NR5A2: variants seen among roughly 807,000 people sequenced by gnomAD.
The protein encoded by NR5A2 is nuclear receptor subfamily 5 group A member 2.
Under a neutral mutation model 62.7 loss-of-function variants are expected in NR5A2, and 26 were observed. The ratio of observed to expected loss-of-function variants is 0.41; its 90% CI spans 0.30 to 0.58. The LOEUF is 0.58. Ranked by LOEUF, NR5A2 falls within the 20% of genes least tolerant of loss-of-function variation. The pLI is 0.22. For synonymous variants in NR5A2, 246 were observed against 241.7 expected (o/e 1.02, Z -0.16); for missense variants, 541 against 669.1 (o/e 0.81, Z 2.11).
At chr1:200,121,977 G>A (rs1240838716) in intron 7 of NR5A2, among the ~76,000 whole-genome samples, 1 of 152,166 alleles carries the variant, frequency 6.6e-6, no homozygotes, top group African/African-American at 2.4e-5. Flanking sequence ...TAAAGGGGTA[G>A]TTTGAAGTAA....
chr1:200,037,089 G>A (rs3790847), intron 1 of NR5A2, among the ~76,000 whole-genome samples: 1 of 151,982 alleles, frequency 6.6e-6, no homozygotes, highest in African/African-American at 2.4e-5. Context: ...GGGATGTGGT[G>A]GGAGGGTAGA....
intron 7 of NR5A2, among the ~76,000 whole-genome samples, chr1:200,136,219 C>A (rs1283074950): frequency 6.6e-6 from 1 of 151,582 alleles, no homozygotes; most frequent in East Asian, 1.9e-4. Flanking sequence ...TCACTTTTTT[C>A]TTTCTTTTTT....
At chr1:200,074,128 T>TA (rs983318921) in intron 5 of NR5A2, among the ~76,000 whole-genome samples, 2 of 152,086 alleles carry the variant, frequency 1.3e-5, no homozygotes, top group East Asian at 1.9e-4. Flanking sequence ...CTAAAAAGCA[T>TA]AAAAAACAAT....
chr1:200,075,779 G>A (rs1664001184), intron 5 of NR5A2, among the ~76,000 whole-genome samples: 1 of 152,156 alleles, frequency 6.6e-6, no homozygotes, highest in Admixed American at 6.5e-5. Context: ...AGGTGAGGAT[G>A]TTCTAGTCAA....
chr1:200,060,770 A>G (rs1663165220), intron 5 of NR5A2, among the ~76,000 whole-genome samples: 1 of 152,024 alleles, frequency 6.6e-6, no homozygotes. Flanking sequence ...TTCTTCACGT[A>G]TGTGTCCTGG....
intron 5 of NR5A2, among the ~76,000 whole-genome samples, chr1:200,094,400 G>C (rs1664972668): frequency 6.6e-6 from 1 of 151,474 alleles, no homozygotes; most frequent in Non-Finnish European, 1.5e-5. Context: ...GCCCAGGCTG[G>C]TCTTGAACTG....
intron 7 of NR5A2, among the ~76,000 whole-genome samples, chr1:200,140,116 G>A (rs1471692335): frequency 6.6e-6 from 1 of 151,964 alleles, no homozygotes; most frequent in African/African-American, 2.4e-5. Context: ...TAATAAATAT[G>A]GCATATATGA....
At chr1:200,045,844 C>T (rs532812587) in intron 4 of NR5A2, among the ~76,000 whole-genome samples, 3 of 151,948 alleles carry the variant, frequency 2.0e-5, no homozygotes, top group African/African-American at 7.2e-5. Flanking sequence ...GGAGCAGATG[C>T]ATTAGACACA....
intron 5 of NR5A2, among the ~76,000 whole-genome samples, chr1:200,095,595 C>T (rs1665051624): frequency 6.6e-6 from 1 of 152,074 alleles, no homozygotes; most frequent in Admixed American, 6.6e-5. Context: ...CACTCTCGCC[C>T]AGGCTGGAGT....
chr1:200,088,088 T>C (rs1664638137), intron 5 of NR5A2, among the ~76,000 whole-genome samples: 1 of 152,048 alleles, frequency 6.6e-6, no homozygotes, highest in South Asian at 2.1e-4. Flanking sequence ...TTATTGTAAT[T>C]AGAGATGGAG....
In NR5A2 at chr1:200,053,552, C is replaced by T. The variant is rs549950742; in HGVS notation, c.1110+4734C>T. 2.1e-5 allele frequency among the ~76,000 whole-genome samples: 3 copies of T among 145,450 alleles called. No homozygotes were observed. In the South Asian group the frequency reaches 6.7e-4, roughly 32 times the overall value. On this transcript the variant is annotated intron_variant, in intron 5 of 7. Transcript: ENST00000367362. The stretch of plus-strand genomic sequence containing the variant: ...GTCCTCTTGTACGCATTCCCTCATC[C>T]CCCCCAGCATGCACACGCACACACA...
rs541832513 is a variant in NR5A2, at chr1:200,124,730, C to T, written c.1378+3775C>T. 7.9e-4 allele frequency among the ~76,000 whole-genome samples: 120 copies of T among 152,108 alleles called. No homozygotes were observed. In the Middle Eastern group the frequency reaches 0.014, roughly 17 times the overall value. On this transcript the variant is annotated intron_variant, in intron 7 of 7. Transcript: ENST00000367362. ...AGGTGAGAGAACTGATTGAGCCCCA[C>T]GGGTTTGAGACCAGCCTGGGCAACA...
Position 200,048,678 on chromosome 1 carries a change from G to C in NR5A2, c.970G>C (p.Ala324Pro). ...GCCTCAAGTCCAGGCTAAAATCATG[G>C]CCTATTTGCAGCAAGAGCAGGCTAA... The part of the protein sequence containing the change: ...DEPQVQAKIM[A>P]YLQQEQANRS... Residue 324 changes from alanine to proline, a missense_variant, in exon 5 of 8, where the codon GCC (alanine) becomes CCC (proline). Ala to Pro is a conservative substitution (Grantham distance 27). This residue lies in a region of NR5A2 where 379 missense variants were observed against 442.0 expected (regional missense o/e 0.86). Transcript: ENST00000367362. This position sits in a 1 kb window ranked among gnomAD's most constrained non-coding sequence, Gnocchi z 4.8. The C allele has an allele frequency of 6.2e-7, 1 of 1,614,176 alleles. No individual in the cohort carries two copies. The highest frequency in any genetic ancestry group is 8.5e-7 in the Non-Finnish European group (1 of 1,180,024).
chr1:200,156,490 CG>C (rs1653392430), intron 7 of NR5A2, among the ~76,000 whole-genome samples: 1 of 152,074 alleles, frequency 6.6e-6, no homozygotes. Flanking sequence ...TTCTGCCTCC[CG>C]GGTTCAAGCA....
intron 5 of NR5A2, among the ~76,000 whole-genome samples, chr1:200,089,011 A>G (rs1269938415): frequency 6.6e-6 from 1 of 151,966 alleles, no homozygotes; most frequent in Non-Finnish European, 1.5e-5. Flanking sequence ...CCCAATCTTA[A>G]ACAATATTTT....
At chr1:200,029,895 G>A (rs903073698) in intron 1 of NR5A2, among the ~76,000 whole-genome samples, 1 of 152,156 alleles carries the variant, frequency 6.6e-6, no homozygotes, top group Non-Finnish European at 1.5e-5. Flanking sequence ...GAGACAATCT[G>A]TTTACCTCGT....
intron 5 of NR5A2, among the ~76,000 whole-genome samples, chr1:200,081,592 G>T (rs1421745948): frequency 6.6e-6 from 1 of 152,148 alleles, no homozygotes; most frequent in Non-Finnish European, 1.5e-5. Context: ...TTGCTCATTT[G>T]CAGTTGGACA....
At chr1:200,080,846 T>C (rs16845905) in intron 5 of NR5A2, among the ~76,000 whole-genome samples, 1,969 of 152,306 alleles carry the variant, frequency 0.013, 41 homozygotes, top group African/African-American at 0.044. Flanking sequence ...TTTTCACATA[T>C]ATTTACAAGG....
At chr1:200,162,247 G>A (rs1179397827) in intron 7 of NR5A2, among the ~76,000 whole-genome samples, 2 of 152,178 alleles carry the variant, frequency 1.3e-5, no homozygotes, top group East Asian at 1.9e-4. Context: ...CTGCATGATG[G>A]GCAAATAGAG....
Sources: gnomAD v4.1 joint callset for allele counts (sites outside exome capture counted in the v4.1 genomes callset) on GRCh38, gnomAD v4.1.1 for gene constraint, gnomAD v4.1.1 regional missense constraint, Gnocchi (gnomAD v3.1) non-coding constraint, MANE v1.5 for transcripts, NCBI Gene and HGNC (gene_info 2026-07-23, HGNC 2026-07-21) for gene names.